The following ZMIZ1 variants were observed in gnomAD, a reference collection of about 807,000 sequenced individuals.
The protein encoded by ZMIZ1 is zinc finger MIZ-type containing 1, also known as zinc finger MIZ domain-containing protein 1.
A neutral mutation model predicts 113.9 loss-of-function variants in ZMIZ1; 17 were observed. The observed-to-expected ratio is 0.15, with a 90% CI of 0.10 to 0.22. ZMIZ1 has a LOEUF of 0.22. ZMIZ1 is among the 10% of genes least tolerant of loss of function. ZMIZ1 has a pLI of 1.00. For missense variants in ZMIZ1, 1,059 were observed against 1,477.8 expected, an observed-to-expected ratio of 0.72 and a Z score of 4.65; for synonymous variants, 607 against 603.1, an observed-to-expected ratio of 1.01 and a Z score of -0.09.
intron 23 of ZMIZ1, among the ~76,000 whole-genome samples, chr10:79,308,703 A>G (rs1224042004): frequency 6.6e-6 from 1 of 152,046 alleles, no homozygotes; most frequent in African/African-American, 2.4e-5. Context: ...TCTCTGCCCC[A>G]TGGGGCTTGT....
chr10:79,162,484 G>C (rs948940260), intron 4 of ZMIZ1, among the ~76,000 whole-genome samples: 1 of 152,200 alleles, frequency 6.6e-6, no homozygotes, highest in Non-Finnish European at 1.5e-5. Flanking sequence ...ACCAAAGGAG[G>C]CCTGGGTGAG....
At chr10:79,304,214 T>A in intron 19 of ZMIZ1, 39 bp downstream of exon 19, 1 of 1,594,152 alleles carries the variant, frequency 6.3e-7, no homozygotes, top group Non-Finnish European at 8.6e-7. Context: ...GCAAGCCACC[T>A]AGACTCTGGC....
intron 19 of ZMIZ1, among the ~76,000 whole-genome samples, chr10:79,304,588 G>A (rs1017902465): frequency 6.6e-6 from 1 of 152,200 alleles, no homozygotes; most frequent in Non-Finnish European, 1.5e-5. Context: ...ACAGAGCAAT[G>A]AGTAAACATG....
chr10:79,300,560 C>A (rs1250550), intron 16 of ZMIZ1, among the ~76,000 whole-genome samples, 172 bp from the exon 17 acceptor site: 41,122 of 150,622 alleles, frequency 0.27, 6,531 homozygotes, highest in East Asian at 0.41. Context: ...GAGGGAGTAT[C>A]CAGAATGGGA....
At chr10:79,086,706 C>A (rs1842826910) in intron 1 of ZMIZ1, among the ~76,000 whole-genome samples, 1 of 152,036 alleles carries the variant, frequency 6.6e-6, no homozygotes, top group South Asian at 2.1e-4. Flanking sequence ...AAGACGAGGT[C>A]TTGCTTTGTT....
chr10:79,203,534 G>A (rs1054861472), intron 5 of ZMIZ1, among the ~76,000 whole-genome samples: 5 of 152,032 alleles, frequency 3.3e-5, no homozygotes, highest in Non-Finnish European at 7.4e-5. Context: ...CAGGGGCCCC[G>A]CCCTCCAATG....
intron 1 of ZMIZ1, among the ~76,000 whole-genome samples, chr10:79,098,618 A>G (rs1292418836): frequency 2.0e-5 from 3 of 152,260 alleles, no homozygotes; most frequent in African/African-American, 7.2e-5. Context: ...CCTGAAAGCC[A>G]TACAGTGAGA....
At chr10:79,076,134 T>G (rs1017889322) in intron 1 of ZMIZ1, among the ~76,000 whole-genome samples, 6 of 152,180 alleles carry the variant, frequency 3.9e-5, no homozygotes, top group African/African-American at 1.4e-4. Context: ...GTCTGGCCTT[T>G]CCTTTCCTAG....
At chr10:79,166,428 C>T (rs1846350845) in intron 4 of ZMIZ1, among the ~76,000 whole-genome samples, 1 of 152,240 alleles carries the variant, frequency 6.6e-6, no homozygotes, top group African/African-American at 2.4e-5. Context: ...GGCTGCACTC[C>T]GTGTGTGGCC....
intron 7 of ZMIZ1, among the ~76,000 whole-genome samples, chr10:79,258,057 A>C (rs528056273): frequency 6.6e-6 from 1 of 152,212 alleles, no homozygotes; most frequent in Non-Finnish European, 1.5e-5. Context: ...CAGTATCCCC[A>C]TGTGCTAATT....
chr10:79,241,451 C>T (rs1424936322), intron 7 of ZMIZ1, among the ~76,000 whole-genome samples: 1 of 152,126 alleles, frequency 6.6e-6, no homozygotes, highest in Non-Finnish European at 1.5e-5. Flanking sequence ...ATAAGCAGAG[C>T]CTGGAATTTG....
chr10:79,137,760 A>G (rs889530674), intron 2 of ZMIZ1, among the ~76,000 whole-genome samples: 1 of 151,424 alleles, frequency 6.6e-6, no homozygotes, highest in Non-Finnish European at 1.5e-5. Flanking sequence ...GAGAGGAGGC[A>G]GGAGAGCCCA....
At chr10:79,275,700 A>G (rs1034064750) in intron 7 of ZMIZ1, among the ~76,000 whole-genome samples, 7 of 151,906 alleles carry the variant, frequency 4.6e-5, no homozygotes, top group African/African-American at 1.7e-4. Context: ...GAAGGCTTTC[A>G]CCTCCTCCCC....
chr10:79,158,121 G>T (rs1208981453), intron 3 of ZMIZ1, among the ~76,000 whole-genome samples: 1 of 152,156 alleles, frequency 6.6e-6, no homozygotes, highest in African/African-American at 2.4e-5. Flanking sequence ...GATTTGGATG[G>T]GCACCATGGG....
intron 2 of ZMIZ1, among the ~76,000 whole-genome samples, chr10:79,125,953 G>A (rs949894592): frequency 6.6e-6 from 1 of 152,204 alleles, no homozygotes; most frequent in African/African-American, 2.4e-5. Context: ...CAGCAGCAGC[G>A]ATAGGAGCCT....
intron 2 of ZMIZ1, among the ~76,000 whole-genome samples, chr10:79,138,349 C>T (rs565948756): frequency 6.6e-6 from 1 of 152,330 alleles, no homozygotes; most frequent in African/African-American, 2.4e-5. Flanking sequence ...TCTGTGGACC[C>T]ACTCCAGCCA....
Position 79,312,776 on chromosome 10 carries a change from C to T in ZMIZ1, c.*27C>T, listed in dbSNP as rs1391474249. On this transcript the variant is annotated 3_prime_UTR_variant, in exon 25 of 25. Coordinates refer to ENST00000334512, the MANE Select transcript of ZMIZ1 (RefSeq NM_020338.4). Reference sequence around the variant, plus strand: ...GGCCACCCGGTCGGGGCCATCCCTCCACACTCTGCATCCTACCCCACCTAC... The same window carrying T: ...GGCCACCCGGTCGGGGCCATCCCTCTACACTCTGCATCCTACCCCACCTAC... 6.2e-7 allele frequency: 1 copy of T among 1,602,056 alleles called. No homozygotes were observed. The highest frequency in any genetic ancestry group is 2.2e-5 in the East Asian group (1 of 44,824).
chr10:79,081,250 C>T (rs35219610), intron 1 of ZMIZ1, among the ~76,000 whole-genome samples: 46 of 152,330 alleles, frequency 3.0e-4, no homozygotes, highest in Admixed American at 1.3e-3. Context: ...GGAGACTTCT[C>T]TCTGGGCTGA....
intron 23 of ZMIZ1, among the ~76,000 whole-genome samples, 172 bp from the exon 24 acceptor site, chr10:79,310,752 G>T (rs548125618): frequency 1.3e-5 from 2 of 152,264 alleles, no homozygotes; most frequent in East Asian, 3.9e-4. Flanking sequence ...GGTTTTGGGG[G>T]AGAAATTTTT....
Sources: allele counts gnomAD v4.1 joint callset (sites outside exome capture counted in the v4.1 genomes callset), GRCh38; gene constraint gnomAD v4.1.1; transcripts MANE v1.5; gene names NCBI Gene and HGNC (gene_info 2026-07-23, HGNC 2026-07-21).